The following PCDHGA3 variants were observed in gnomAD, a reference collection of about 807,000 sequenced individuals.
The protein encoded by PCDHGA3 is protocadherin gamma-A3.
A neutral mutation model predicts 58.5 loss-of-function variants in PCDHGA3; 40 were observed. The observed-to-expected ratio is 0.68, with a 90% CI of 0.53 to 0.89. The LOEUF (loss-of-function observed/expected upper bound fraction) is 0.89, where lower values mean the gene tolerates loss of function less well. PCDHGA3 is among the 40% of genes least tolerant of loss of function. The pLI, the probability that PCDHGA3 is intolerant of heterozygous loss-of-function variation, is 0.00. For synonymous variants in PCDHGA3, 530 were observed against 525.7 expected (o/e 1.01, Z -0.11); for missense variants, 1,223 against 1,195.9 (o/e 1.02, Z -0.33).
chr5:141,358,906 A>C (rs1244538501), intron 1 of PCDHGA3, among the ~76,000 whole-genome samples: 2 of 152,180 alleles, frequency 1.3e-5, no homozygotes, highest in East Asian at 3.8e-4. Flanking sequence ...ATGAGGGAAA[A>C]TATTTTGTGT....
chr5:141,419,692 C>T (rs2096416788), intron 1 of PCDHGA3: 15 of 1,612,780 alleles, frequency 9.3e-6, no homozygotes, highest in Non-Finnish European at 1.3e-5. Context: ...TGGTGCAGGC[C>T]AGTGAGCCCG....
intron 1 of PCDHGA3, among the ~76,000 whole-genome samples, chr5:141,401,393 A>G (rs2094149748): frequency 6.6e-6 from 1 of 152,202 alleles, no homozygotes. Context: ...ACTACATGTT[A>G]TGTGTATGAG....
rs2093887845 is a variant in PCDHGA3, at chr5:141,399,791, C to T, written c.2424+53334C>T. ...TTGGTGGGCGACCGAAACGACAACG[C>T]ACCGCGGGTGCTGTACCCCGCGCTG... On this transcript the variant is annotated intron_variant, in intron 1 of 3. Transcript: ENST00000253812. 1.2e-6 allele frequency: 2 copies of T among 1,613,128 alleles called. No individual in the cohort carries two copies. Among genetic ancestry groups the T allele is most frequent in the Admixed American group, 1.7e-5 (1 of 59,984 alleles).
In PCDHGA3 at chr5:141,489,412, G is replaced by C; in HGVS notation, c.2425-5395G>C. On this transcript the variant is annotated intron_variant, in intron 1 of 3. Coordinates refer to ENST00000253812, the MANE Select transcript of PCDHGA3 (RefSeq NM_018916.4). The surrounding 1 kb of genome is among the most constrained non-coding windows in gnomAD (Gnocchi z 4.5). ...TCAGGATCTGGGCTTAAAGATGACAGATCTGTTGAGCCGGCGGCTGCAATT... is the reference window on the plus strand; with the variant it reads ...TCAGGATCTGGGCTTAAAGATGACACATCTGTTGAGCCGGCGGCTGCAATT... The C allele has an allele frequency of 6.2e-7, 1 of 1,614,172 alleles. No individual in the cohort carries two copies. Among genetic ancestry groups the C allele is most frequent in the Non-Finnish European group, 8.5e-7 (1 of 1,180,040 alleles).
At position 141,490,664 on chromosome 5, in the gene PCDHGA3, C is replaced by T; in HGVS notation, c.2425-4143C>T. 6.2e-7 allele frequency: 1 copy of T among 1,614,212 alleles called. No homozygotes were observed. The highest frequency in any genetic ancestry group is 1.1e-5 in the South Asian group (1 of 91,084). On this transcript the variant is annotated intron_variant, in intron 1 of 3. Coordinates refer to ENST00000253812, the MANE Select transcript of PCDHGA3 (RefSeq NM_018916.4). The surrounding 1 kb of genome is among the most constrained non-coding windows in gnomAD (Gnocchi z 5.4). ...CGGCCTCCGGGCTCCCTTCTTTGCA[C>T]TGTGGCTGCCTCAGATCCAGACACT...
intron 1 of PCDHGA3, chr5:141,385,214 A>C: frequency 6.2e-7 from 1 of 1,614,200 alleles, no homozygotes; most frequent in Non-Finnish European, 8.5e-7. Flanking sequence ...ATCTTCCCCC[A>C]GCCCAACTAT....
intron 1 of PCDHGA3, among the ~76,000 whole-genome samples, chr5:141,406,662 A>G (rs1357382326): frequency 6.6e-6 from 1 of 152,208 alleles, no homozygotes; most frequent in Non-Finnish European, 1.5e-5. Flanking sequence ...TTAATGTTAA[A>G]TTATGGAGAA....
At chr5:141,435,391 A>C (rs1328617100) in intron 1 of PCDHGA3, among the ~76,000 whole-genome samples, 5 of 152,202 alleles carry the variant, frequency 3.3e-5, no homozygotes, top group African/African-American at 1.2e-4. Flanking sequence ...CCGTATTGCC[A>C]TGACGAAAAA....
At chr5:141,384,287 A>G in intron 1 of PCDHGA3, 1 of 1,613,838 alleles carries the variant, frequency 6.2e-7, no homozygotes, top group South Asian at 1.1e-5. Context: ...TACATCGCTG[A>G]GAACAACCCC....
chr5:141,394,506 C>G, intron 1 of PCDHGA3: 2 of 1,614,214 alleles, frequency 1.2e-6, no homozygotes, highest in Non-Finnish European at 1.7e-6. Context: ...GATCCTGTAC[C>G]CCGCCCTCCC....
At chr5:141,409,916 T>C (rs762510018) in intron 1 of PCDHGA3, 3 of 1,613,298 alleles carry the variant, frequency 1.9e-6, no homozygotes, top group Non-Finnish European at 2.5e-6. Flanking sequence ...TCCTGACGGC[T>C]CCGCGTTCTT....
chr5:141,507,849 C>CA (rs2099864208), intron 3 of PCDHGA3, among the ~76,000 whole-genome samples: 1 of 152,222 alleles, frequency 6.6e-6, no homozygotes, highest in African/African-American at 2.4e-5. Flanking sequence ...GCCCTGCTCT[C>CA]ACTTTCACAC....
rs768206517 is a variant in PCDHGA3, at chr5:141,432,482, G to A, written c.2425-62325G>A. 10 of 1,614,060 alleles carry A rather than the reference G, an allele frequency of 6.2e-6. No homozygotes were observed. The highest frequency in any genetic ancestry group is 1.3e-5 in the African/African-American group (1 of 74,946). On this transcript the variant is annotated intron_variant, in intron 1 of 3. Coordinates refer to ENST00000253812, the MANE Select transcript of PCDHGA3 (RefSeq NM_018916.4). The surrounding 1 kb of genome is among the most constrained non-coding windows in gnomAD (Gnocchi z 6.0). ...CCTCCCCACGGACGGTTCCACTGGC[G>A]TGGAGCTGGCTCCCCGCTCCGCAGA...
At chr5:141,394,198 T>C in intron 1 of PCDHGA3, 1 of 1,613,874 alleles carries the variant, frequency 6.2e-7, no homozygotes, top group East Asian at 2.2e-5. Context: ...GCGTATATCC[T>C]AGAGAACAAC....
intron 3 of PCDHGA3, among the ~76,000 whole-genome samples, chr5:141,510,373 T>TC (rs112437269): frequency 0.25 from 37,727 of 151,394 alleles, 4,765 homozygotes; most frequent in Admixed American, 0.33. Context: ...GAATCTCTAC[T>TC]CGTGCCAGGC....
intron 1 of PCDHGA3, among the ~76,000 whole-genome samples, chr5:141,359,677 A>G (rs1169406824): frequency 6.6e-6 from 1 of 152,110 alleles, no homozygotes; most frequent in Non-Finnish European, 1.5e-5. Flanking sequence ...CCGTTGCCCT[A>G]TACAAGACAT....
Position 141,503,868 on chromosome 5 carries a change from G to A in PCDHGA3, c.2484-1525G>A, listed in dbSNP as rs928240898. Among the ~76,000 whole-genome samples, 24 of 152,202 alleles carry A rather than the reference G, an allele frequency of 1.6e-4. No individual in the cohort carries two copies. The South Asian group carries it at 4.1e-3, about 26-fold the overall frequency. ...TTGGAAAAATTGTAAAGCAGTTCTT[G>A]GTTGTGCTCACCCACCATGACAAAA... On this transcript the variant is annotated intron_variant, in intron 2 of 3. Coordinates refer to ENST00000253812, the MANE Select transcript of PCDHGA3 (RefSeq NM_018916.4).
rs781336795 is a variant in PCDHGA3, at chr5:141,477,936, C to T, written c.2425-16871C>T. Reference sequence around the variant, plus strand: ...GATGCAGGGCACAATGCCTGGCTCTCCTACAGTCTCTTGGGATCCCCTAAC... The same window carrying T: ...GATGCAGGGCACAATGCCTGGCTCTTCTACAGTCTCTTGGGATCCCCTAAC... On this transcript the variant is annotated intron_variant, in intron 1 of 3. Transcript: ENST00000253812. This position sits in a 1 kb window ranked among gnomAD's most constrained non-coding sequence, Gnocchi z 4.9. 1.2e-6 allele frequency: 2 copies of T among 1,614,170 alleles called. No homozygotes were observed. The highest frequency in any genetic ancestry group is 1.1e-5 in the South Asian group (1 of 91,088).
chr5:141,433,054 G>A, intron 1 of PCDHGA3: 2 of 1,614,196 alleles, frequency 1.2e-6, no homozygotes, highest in Non-Finnish European at 1.7e-6. Context: ...ACTCGCGGAA[G>A]AGTCACCTGA....
Sources: allele counts gnomAD v4.1 joint callset (sites outside exome capture counted in the v4.1 genomes callset), GRCh38; gene constraint gnomAD v4.1.1; non-coding constraint Gnocchi (gnomAD v3.1); transcripts MANE v1.5; gene names NCBI Gene and HGNC (gene_info 2026-07-23, HGNC 2026-07-21).